LYRM7: variants seen among roughly 807,000 people sequenced by gnomAD.
The protein encoded by LYRM7 is complex III assembly factor LYRM7.
Under a neutral mutation model 15.8 loss-of-function variants are expected in LYRM7, and 9 were observed. That is an observed-to-expected ratio of 0.57 (90% CI 0.34 to 0.99). LYRM7 has a LOEUF of 0.99. Ranked by LOEUF, LYRM7 falls within the 50% of genes least tolerant of loss-of-function variation. LYRM7 has a pLI of 0.02. For missense variants in LYRM7, 115 were observed against 119.1 expected (o/e 0.97, Z 0.16); for synonymous variants, 39 against 39.4 (o/e 0.99, Z 0.04).
At chr5:131,189,803 A>G (rs1755857035) in intron 4 of LYRM7, among the ~76,000 whole-genome samples, 1 of 152,160 alleles carries the variant, frequency 6.6e-6, no homozygotes, top group African/African-American at 2.4e-5. Flanking sequence ...AAGGGCTTTT[A>G]AAGTTACTTT....
chr5:131,182,686 A>T (rs1348956890), intron 3 of LYRM7, among the ~76,000 whole-genome samples: 1 of 152,216 alleles, frequency 6.6e-6, no homozygotes, highest in Non-Finnish European at 1.5e-5. Context: ...ATTTATTTTT[A>T]ATCCCATCTT....
chr5:131,199,184 T>C (rs1266053224), intron 4 of LYRM7, among the ~76,000 whole-genome samples: 3 of 152,204 alleles, frequency 2.0e-5, no homozygotes, highest in Non-Finnish European at 4.4e-5. Flanking sequence ...ATATAGTAGA[T>C]AGTATAAGCA....
chr5:131,173,220 GCAC>G (rs1755549754), intron 1 of LYRM7, among the ~76,000 whole-genome samples: 2 of 152,128 alleles, frequency 1.3e-5, no homozygotes, highest in South Asian at 4.1e-4. Context: ...TTACTATCAA[GCAC>G]CTCAGAGTTA....
chr5:131,174,707 T>C (rs1755571696), intron 1 of LYRM7, among the ~76,000 whole-genome samples: 1 of 152,100 alleles, frequency 6.6e-6, no homozygotes, highest in South Asian at 2.1e-4. Context: ...TAGCTCAATG[T>C]GTGGCATGCG....
At position 131,189,444 on chromosome 5, in the gene LYRM7, CAAAAAAAAAAA is replaced by C. The variant is rs71000976; in HGVS notation, c.244+2352_244+2362del. Among the ~76,000 whole-genome samples, 9 of 46,180 alleles carry C rather than the reference CAAAAAAAAAAA, an allele frequency of 1.9e-4. 1 individual carries two copies. The highest frequency in any genetic ancestry group is 6.2e-4 in the African/African-American group (8 of 12,806). The allele number at this position is 46,180 out of a possible 152,430, so 30.3% of individuals were successfully genotyped here. On this transcript the variant is annotated intron_variant, in intron 4 of 4. Transcript: ENST00000379380. ...GGCAACAGAGCAAGACTCCGTCTCC[CAAAAAAAAAAA>C]AAAAAAAAAAAAAAAAGCTATATTG...
chr5:131,190,336 C>T (rs900810406), intron 4 of LYRM7, among the ~76,000 whole-genome samples: 6 of 151,874 alleles, frequency 4.0e-5, no homozygotes, highest in African/African-American at 1.2e-4. Context: ...GCTGATATTA[C>T]AAGCGTGTAC....
intron 3 of LYRM7, among the ~76,000 whole-genome samples, chr5:131,184,644 G>GGGT (rs1554090151): frequency 1.4e-5 from 2 of 144,920 alleles, no homozygotes; most frequent in Admixed American, 6.6e-5. Flanking sequence ...TTTTGGCGGG[G>GGGT]GGGGGGTTCC....
Position 131,199,670 on chromosome 5 carries a change from G to A in LYRM7, c.*69G>A. The stretch of plus-strand genomic sequence containing the variant: ...ATCTACAACTCTGGCAAAAGTCCTG[G>A]AAATGCAGACATTTTCCCTGAACTG... On this transcript the variant is annotated 3_prime_UTR_variant, in exon 5 of 5. Coordinates refer to ENST00000379380, the MANE Select transcript of LYRM7 (RefSeq NM_181705.4). 1 of 1,077,488 alleles carries A rather than the reference G, an allele frequency of 9.3e-7. No homozygotes were observed. Among genetic ancestry groups the A allele is most frequent in the Non-Finnish European group, 1.4e-6 (1 of 736,178 alleles). 66.7% of individuals were successfully genotyped at this position (1,077,488 alleles called of 1,614,324 possible).
intron 4 of LYRM7, among the ~76,000 whole-genome samples, chr5:131,193,469 T>C (rs924213895): frequency 2.0e-5 from 3 of 152,216 alleles, no homozygotes; most frequent in African/African-American, 4.8e-5. Flanking sequence ...GAAAACACTT[T>C]TGTGTTACAG....
rs963818104 is a variant in LYRM7, at chr5:131,205,242, G to A, written c.*5641G>A. 1 of 152,124 alleles carries A rather than the reference G, an allele frequency of 6.6e-6. No individual in the cohort carries two copies. Among genetic ancestry groups the A allele is most frequent in the Non-Finnish European group, 1.5e-5 (1 of 68,016 alleles). The allele number at this position is 152,124 out of a possible 1,614,324, so 9.4% of individuals were successfully genotyped here. On this transcript the variant is annotated 3_prime_UTR_variant, in exon 5 of 5. Transcript: ENST00000379380. ...TTGTGTTTATACTTTTACCAAGTGTGTATGTATTCAAAAAACAGTTGTTTT... is the reference window on the plus strand; with the variant it reads ...TTGTGTTTATACTTTTACCAAGTGTATATGTATTCAAAAAACAGTTGTTTT...
In LYRM7 at chr5:131,204,314, A is replaced by T. The variant is rs902269160; in HGVS notation, c.*4713A>T. On this transcript the variant is annotated 3_prime_UTR_variant, in exon 5 of 5. Transcript: ENST00000379380. ...CTCAAAAACTCAAAGAATACTAATA[A>T]ATGTGTACTCAGGTATATGTACAGA... is the stretch of plus-strand genomic sequence containing the variant. 6.6e-6 allele frequency: 1 copy of T among 152,140 alleles called. No homozygotes were observed. Among genetic ancestry groups the T allele is most frequent in the African/African-American group, 2.4e-5 (1 of 41,430 alleles). The allele number at this position is 152,140 out of a possible 1,614,324, so 9.4% of individuals were successfully genotyped here.
At chr5:131,176,187 T>C (rs917011893) in intron 1 of LYRM7, among the ~76,000 whole-genome samples, 4 of 152,250 alleles carry the variant, frequency 2.6e-5, no homozygotes, top group Admixed American at 1.3e-4. Context: ...AATACTACCA[T>C]GAACATTAGC....
rs371401601 is a variant in LYRM7, at chr5:131,201,414, A to G, written c.*1813A>G. The G allele has an allele frequency of 1.3e-5, 2 of 152,006 alleles. No homozygotes were observed. Among genetic ancestry groups the G allele is most frequent in the East Asian group, 1.9e-4 (1 of 5,168 alleles). 9.4% of individuals were successfully genotyped at this position (152,006 alleles called of 1,614,324 possible). On this transcript the variant is annotated 3_prime_UTR_variant, in exon 5 of 5. Coordinates refer to ENST00000379380, the MANE Select transcript of LYRM7 (RefSeq NM_181705.4). ...TACTTTCATGCCATAAGACTACACA[A>G]TAAAGTTCCTGAAAGTTCCTGGCTG...
Position 131,203,771 on chromosome 5 carries a change from C to A in LYRM7, c.*4170C>A, listed in dbSNP as rs1014470323. On this transcript the variant is annotated 3_prime_UTR_variant, in exon 5 of 5. Transcript: ENST00000379380. ...CATAAAAATATAAAACTTCTGTATT[C>A]TGTGAAAGCTACTATAAATAAAGTT... is the stretch of plus-strand genomic sequence containing the variant. 2.6e-5 allele frequency: 4 copies of A among 152,318 alleles called. No homozygotes were observed. The highest frequency in any genetic ancestry group is 6.6e-5 in the Admixed American group (1 of 15,266). 9.4% of individuals were successfully genotyped at this position (152,318 alleles called of 1,614,324 possible). A position where few individuals can be genotyped will look rare whatever the true frequency, so the allele number is the denominator to read the frequency against.
intron 2 of LYRM7, among the ~76,000 whole-genome samples, chr5:131,181,381 A>ATTAT (rs552588384): frequency 1.3e-5 from 1 of 76,474 alleles, no homozygotes; most frequent in African/African-American, 9.0e-5. Flanking sequence ...ATGTATATAT[A>ATTAT]ATATATACAT....
At position 131,200,732 on chromosome 5, in the gene LYRM7, G is replaced by A. The variant is rs939832889; in HGVS notation, c.*1131G>A. 4 of 152,152 alleles carry A rather than the reference G, an allele frequency of 2.6e-5. No individual in the cohort carries two copies. Among genetic ancestry groups the A allele is most frequent in the African/African-American group, 9.7e-5 (4 of 41,362 alleles). 9.4% of individuals were successfully genotyped at this position (152,152 alleles called of 1,614,324 possible). A position where few individuals can be genotyped will look rare whatever the true frequency, so the allele number is the denominator to read the frequency against. Reference sequence around the variant, plus strand: ...TTTTAAGAGAATGCTGAATGTCATCGCAGTATATAATCACTATATAAATGT... The same window carrying A: ...TTTTAAGAGAATGCTGAATGTCATCACAGTATATAATCACTATATAAATGT... On this transcript the variant is annotated 3_prime_UTR_variant, in exon 5 of 5. Coordinates refer to ENST00000379380, the MANE Select transcript of LYRM7 (RefSeq NM_181705.4).
chr5:131,181,371 A>ATGTG (rs541308674), intron 2 of LYRM7, among the ~76,000 whole-genome samples: 8,812 of 40,188 alleles, frequency 0.22, 635 homozygotes, highest in South Asian at 0.3. Context: ...TAACATATAT[A>ATGTG]TGTATATATA....
At chr5:131,178,988 A>G (rs1024971950) in intron 1 of LYRM7, among the ~76,000 whole-genome samples, 1 of 149,734 alleles carries the variant, frequency 6.7e-6, no homozygotes, top group Non-Finnish European at 1.5e-5. Flanking sequence ...AAAAAAAGGG[A>G]ATAGCAATTA....
intron 1 of LYRM7, among the ~76,000 whole-genome samples, chr5:131,172,184 C>T (rs1755533013): frequency 6.6e-6 from 1 of 152,154 alleles, no homozygotes; most frequent in Non-Finnish European, 1.5e-5. Context: ...GAGACCGAGG[C>T]GAGAGGATCA....
Sources: allele counts gnomAD v4.1 joint callset (sites outside exome capture counted in the v4.1 genomes callset), GRCh38; gene constraint gnomAD v4.1.1; transcripts MANE v1.5; gene names NCBI Gene and HGNC (gene_info 2026-07-23, HGNC 2026-07-21).